Variants in DAB1 observed in about 807,000 individuals in gnomAD.
DAB1 encodes DAB adaptor protein 1, also known as disabled homolog 1.
In DAB1, 15 loss-of-function variants were observed where a neutral mutation model predicts 64.6. The observed-to-expected ratio is 0.23, with a 90% CI of 0.16 to 0.36. The LOEUF (loss-of-function observed/expected upper bound fraction) is 0.36, where lower values mean the gene tolerates loss of function less well. Among genes scored for constraint, DAB1 ranks in the 10% least tolerant of loss-of-function variants. The pLI is 1.00. For synonymous variants in DAB1, 235 were observed against 251.9 expected (o/e 0.93, Z 0.64); for missense variants, 596 against 706.7 (o/e 0.84, Z 1.78).
intron 5 of DAB1, among the ~76,000 whole-genome samples, chr1:57,949,039 C>T (rs968376244): frequency 3.9e-5 from 6 of 152,164 alleles, no homozygotes; most frequent in Admixed American, 2.6e-4. Flanking sequence ...CTACATGCTC[C>T]TCCTTTAACC....
intron 4 of DAB1, among the ~76,000 whole-genome samples, chr1:58,211,599 A>T (rs527872809): frequency 6.6e-6 from 1 of 152,324 alleles, no homozygotes; most frequent in African/African-American, 2.4e-5. Context: ...ACAACTTTCA[A>T]TTGCTACAAT....
intron 6 of DAB1, among the ~76,000 whole-genome samples, chr1:57,667,789 C>T (rs114150546): frequency 2.1e-3 from 323 of 152,152 alleles, no homozygotes; most frequent in African/African-American, 7.6e-3. Context: ...GAAAACTAAA[C>T]GCTGCATATC....
chr1:58,226,250 T>G (rs1659476118), intron 4 of DAB1, among the ~76,000 whole-genome samples: 1 of 152,240 alleles, frequency 6.6e-6, no homozygotes. Flanking sequence ...AAATATTGGT[T>G]GGCTGATTAT....
chr1:57,654,426 C>T lies in DAB1; in HGVS notation n.552-4761G>A, dbSNP rs11207087. 9.6e-3 allele frequency among the ~76,000 whole-genome samples: 1,459 copies of T among 152,134 alleles called. 26 individuals are homozygous for T. Among genetic ancestry groups the T allele is most frequent in the African/African-American group, 0.034 (1,417 of 41,510 alleles). On this transcript the variant is annotated intron_variant and non_coding_transcript_variant, in intron 6 of 20. Transcript: ENST00000485760. ...GGTCACAAGTTATAGGAAGAGGACC[C>T]TAAGTAGAGGAAAGATCAAAATGGT...
At chr1:58,412,943 G>C in intron 3 of DAB1, among the ~76,000 whole-genome samples, 1 of 152,214 alleles carries the variant, frequency 6.6e-6, no homozygotes, top group East Asian at 1.9e-4. Flanking sequence ...AAAATGAAGA[G>C]AGACCTATTT....
chr1:57,371,059 G>T (rs917367424), intron 1 of DAB1, among the ~76,000 whole-genome samples: 3 of 152,146 alleles, frequency 2.0e-5, no homozygotes, highest in Admixed American at 1.3e-4. Flanking sequence ...GAGAGATCTG[G>T]GAATAAGTAG....
chr1:57,686,108 A>T (rs900273125), intron 6 of DAB1, among the ~76,000 whole-genome samples: 1 of 152,202 alleles, frequency 6.6e-6, no homozygotes, highest in African/African-American at 2.4e-5. Flanking sequence ...AGGATCAATA[A>T]AACCAAACAT....
At chr1:57,980,324 T>C (rs1646033920) in intron 5 of DAB1, among the ~76,000 whole-genome samples, 1 of 152,086 alleles carries the variant, frequency 6.6e-6, no homozygotes, top group African/African-American at 2.4e-5. Flanking sequence ...TTCTCATCAA[T>C]TGAAATTCTA....
At chr1:57,390,770 T>A (rs1438439521) in intron 1 of DAB1, among the ~76,000 whole-genome samples, 3 of 152,220 alleles carry the variant, frequency 2.0e-5, no homozygotes, top group African/African-American at 7.2e-5. Flanking sequence ...TTCCCAATTT[T>A]TATTTTACTT....
chr1:57,070,403 G>C (rs1482154450), intron 7 of DAB1, among the ~76,000 whole-genome samples: 7 of 152,092 alleles, frequency 4.6e-5, no homozygotes. Flanking sequence ...CCACATGCTT[G>C]ACCTCAAGAG....
intron 7 of DAB1, among the ~76,000 whole-genome samples, chr1:57,430,559 A>G (rs1014981338): frequency 1.6e-4 from 25 of 151,938 alleles, no homozygotes; most frequent in Non-Finnish European, 3.1e-4. Flanking sequence ...TTGTATTTTT[A>G]GCAGAGACGG....
At chr1:58,050,256 T>A (rs1302372215) in intron 5 of DAB1, among the ~76,000 whole-genome samples, 1 of 152,178 alleles carries the variant, frequency 6.6e-6, no homozygotes, top group East Asian at 1.9e-4. Flanking sequence ...CTATAAGAGT[T>A]TGGTACTATA....
At chr1:57,544,616 G>A (rs897319595) in intron 7 of DAB1, among the ~76,000 whole-genome samples, 1 of 152,140 alleles carries the variant, frequency 6.6e-6, no homozygotes, top group Non-Finnish European at 1.5e-5. Flanking sequence ...TGGTTTGGAT[G>A]TGTGTTCAAC....
At chr1:57,110,903 C>T (rs1655599942) in intron 4 of DAB1, among the ~76,000 whole-genome samples, 1 of 152,050 alleles carries the variant, frequency 6.6e-6, no homozygotes, top group African/African-American at 2.4e-5. Context: ...GACTCAAACC[C>T]AGATCCTGCC....
chr1:57,302,586 T>C (rs561052534), intron 1 of DAB1, among the ~76,000 whole-genome samples: 142 of 152,210 alleles, frequency 9.3e-4, no homozygotes, highest in Middle Eastern at 3.4e-3. Flanking sequence ...AGGTGCAACA[T>C]GGGCACTGGG....
chr1:57,705,874 G>GTTTT (rs11375591), intron 6 of DAB1, among the ~76,000 whole-genome samples: 8 of 144,768 alleles, frequency 5.5e-5, no homozygotes, highest in African/African-American at 1.3e-4. Context: ...CAATACTAGG[G>GTTTT]TTTTTTTTTT....
intron 9 of DAB1, among the ~76,000 whole-genome samples, chr1:57,032,544 C>T (rs1348841762): frequency 6.6e-6 from 1 of 152,152 alleles, no homozygotes; most frequent in African/African-American, 2.4e-5. Flanking sequence ...GGCTTCCTAA[C>T]TCAATTTGTA....
At chr1:57,730,940 G>A (rs1220366533) in intron 6 of DAB1, among the ~76,000 whole-genome samples, 1 of 152,126 alleles carries the variant, frequency 6.6e-6, no homozygotes, top group Non-Finnish European at 1.5e-5. Flanking sequence ...AATTAAACAT[G>A]GAATTAGCAT....
At chr1:57,251,124 T>C (rs1669305266) in intron 2 of DAB1, among the ~76,000 whole-genome samples, 1 of 152,238 alleles carries the variant, frequency 6.6e-6, no homozygotes, top group Non-Finnish European at 1.5e-5. Flanking sequence ...AGGTGTGTAG[T>C]TGTCCAAACG....
Sources: allele counts gnomAD v4.1 joint callset (sites outside exome capture counted in the v4.1 genomes callset), GRCh38; gene constraint gnomAD v4.1.1; transcripts MANE v1.5; gene names NCBI Gene and HGNC (gene_info 2026-07-23, HGNC 2026-07-21).